CNTN4: variants seen among roughly 807,000 people sequenced by gnomAD.
The protein encoded by CNTN4 is contactin 4, also known as contactin-4.
In CNTN4, 77 loss-of-function variants were observed where a neutral mutation model predicts 122.5. The observed-to-expected ratio is 0.63, with a 90% confidence interval of 0.52 to 0.76. CNTN4 has a LOEUF of 0.76. Ranked by LOEUF, CNTN4 falls within the 30% of genes least tolerant of loss-of-function variation. The pLI, the probability that CNTN4 is intolerant of heterozygous loss-of-function variation, is 0.00. For synonymous variants in CNTN4, 512 were observed against 447.0 expected, an observed-to-expected ratio of 1.15 and a Z score of -1.83; for missense variants, 1,256 against 1,259.1, an observed-to-expected ratio of 1.00 and a Z score of 0.04.
intron 4 of CNTN4, among the ~76,000 whole-genome samples, chr3:2,682,322 C>T (rs1042013603): frequency 4.9e-4 from 75 of 152,284 alleles, no homozygotes; most frequent in African/African-American, 1.6e-3. Flanking sequence ...AGGACCTCTT[C>T]ATGGAAAAGG....
chr3:2,822,040 A>C (rs943354360), intron 7 of CNTN4, among the ~76,000 whole-genome samples: 1 of 152,226 alleles, frequency 6.6e-6, no homozygotes, highest in Non-Finnish European at 1.5e-5. Flanking sequence ...CTGAATACGA[A>C]GGAGAGGTGG....
chr3:2,391,031 C>T (rs566382272), intron 3 of CNTN4, among the ~76,000 whole-genome samples: 35 of 152,270 alleles, frequency 2.3e-4, no homozygotes, highest in African/African-American at 6.3e-4. Context: ...GTGTTCCTTG[C>T]AGATTCCAAA....
At chr3:2,634,299 A>G (rs1420016539) in intron 4 of CNTN4, among the ~76,000 whole-genome samples, 2 of 152,224 alleles carry the variant, frequency 1.3e-5, no homozygotes, top group Non-Finnish European at 2.9e-5. Flanking sequence ...ATGCTGGAGA[A>G]TTACACTTTT....
At chr3:2,809,987 C>T (rs952584710) in intron 6 of CNTN4, among the ~76,000 whole-genome samples, 2 of 152,100 alleles carry the variant, frequency 1.3e-5, no homozygotes, top group African/African-American at 4.8e-5. Flanking sequence ...AGCCAAGCAA[C>T]GTTTATTTTC....
At chr3:2,206,219 G>C (rs2038335973) in intron 2 of CNTN4, among the ~76,000 whole-genome samples, 1 of 152,042 alleles carries the variant, frequency 6.6e-6, no homozygotes, top group Non-Finnish European at 1.5e-5. Context: ...CCAAACAATA[G>C]GGAAACATCA....
chr3:3,055,942 C>A (rs1701743739), intron 24 of CNTN4, among the ~76,000 whole-genome samples, 178 bp from the exon 25 acceptor site: 1 of 152,122 alleles, frequency 6.6e-6, no homozygotes, highest in Non-Finnish European at 1.5e-5. Flanking sequence ...TGTCCTATAC[C>A]CTACTCCCAG....
intron 3 of CNTN4, among the ~76,000 whole-genome samples, chr3:2,542,501 T>G (rs1042114656): frequency 1.3e-5 from 2 of 152,122 alleles, no homozygotes; most frequent in Non-Finnish European, 2.9e-5. Flanking sequence ...GACACAGGAT[T>G]TAAGCTTCTG....
At chr3:2,550,312 A>G (rs1219525178) in intron 3 of CNTN4, among the ~76,000 whole-genome samples, 1 of 152,108 alleles carries the variant, frequency 6.6e-6, no homozygotes, top group African/African-American at 2.4e-5. Context: ...CACTTCTCAA[A>G]AGGAGACATT....
chr3:2,608,166 T>C (rs1247642927), intron 4 of CNTN4, among the ~76,000 whole-genome samples: 2 of 152,218 alleles, frequency 1.3e-5, no homozygotes, highest in Non-Finnish European at 2.9e-5. Flanking sequence ...GACCACATGA[T>C]CTACTGATAC....
chr3:2,339,667 G>C (rs1009722278), intron 3 of CNTN4, among the ~76,000 whole-genome samples: 1 of 152,120 alleles, frequency 6.6e-6, no homozygotes. Flanking sequence ...CTTTTGAAGG[G>C]ATAAAACATG....
At chr3:2,643,846 A>G (rs2083003083) in intron 4 of CNTN4, among the ~76,000 whole-genome samples, 2 of 152,138 alleles carry the variant, frequency 1.3e-5, no homozygotes, top group Non-Finnish European at 1.5e-5. Flanking sequence ...GGCACCCTAT[A>G]TAAAGCTGCC....
intron 4 of CNTN4, among the ~76,000 whole-genome samples, chr3:2,672,834 T>C (rs2084612236): frequency 6.6e-6 from 1 of 152,190 alleles, no homozygotes; most frequent in African/African-American, 2.4e-5. Flanking sequence ...TTAGTAATAG[T>C]TATAAGAAAT....
Position 2,902,987 on chromosome 3 carries a change from G to T in CNTN4, c.1189G>T (p.Ala397Ser). 1 of 1,613,626 alleles carries T rather than the reference G, an allele frequency of 6.2e-7. No individual in the cohort carries two copies. ...ENKHGVIFSN[A>S]ELSVIAVGPD... is the part of the protein sequence containing the mutation. ...TAAACATGGAGTTATCTTTTCCAACGCAGAGCTTAGTGTTATAGGTGAGTC... is the reference window on the plus strand; with the variant it reads ...TAAACATGGAGTTATCTTTTCCAACTCAGAGCTTAGTGTTATAGGTGAGTC... Residue 397 changes from alanine to serine, a missense_variant, in exon 12 of 25, where the codon GCA (alanine) becomes TCA (serine). Coordinates refer to ENST00000418658, the MANE Select transcript of CNTN4 (RefSeq NM_175607.3).
intron 7 of CNTN4, among the ~76,000 whole-genome samples, chr3:2,823,973 C>T (rs967021219): frequency 6.6e-6 from 1 of 152,134 alleles, no homozygotes; most frequent in African/African-American, 2.4e-5. Flanking sequence ...TCCGAGTGAT[C>T]ATATGCACTT....
chr3:2,779,516 A>G (rs1373949720), intron 6 of CNTN4, among the ~76,000 whole-genome samples: 1 of 152,076 alleles, frequency 6.6e-6, no homozygotes, highest in African/African-American at 2.4e-5. Flanking sequence ...AATCAATTTT[A>G]TTTTATTTTT....
chr3:2,648,950 A>G (rs115620395), intron 4 of CNTN4, among the ~76,000 whole-genome samples: 4 of 152,318 alleles, frequency 2.6e-5, no homozygotes, highest in African/African-American at 9.6e-5. Context: ...AGTAGTCTGG[A>G]TAGAAGATCA....
chr3:3,020,830 A>C (rs1698226530), intron 14 of CNTN4, among the ~76,000 whole-genome samples: 1 of 152,350 alleles, frequency 6.6e-6, no homozygotes, highest in Admixed American at 6.5e-5. Flanking sequence ...TCTCGTGCCA[A>C]ACACTTTCAG....
chr3:2,819,365 C>T (rs920602405), intron 6 of CNTN4, 121 bp from the exon 7 acceptor site: 40 of 749,862 alleles, frequency 5.3e-5, no homozygotes, highest in Admixed American at 3.0e-4. Flanking sequence ...TGAATTCCCC[C>T]GGTATGGGTG....
intron 3 of CNTN4, chr3:2,511,218 T>C (rs1431478438): frequency 2.0e-5 from 3 of 152,206 alleles, no homozygotes; most frequent in African/African-American, 7.2e-5. Context: ...AGGAATTACA[T>C]AAATTGCCCA....
Sources: gnomAD v4.1 joint callset for allele counts (sites outside exome capture counted in the v4.1 genomes callset) on GRCh38, gnomAD v4.1.1 for gene constraint, MANE v1.5 for transcripts, NCBI Gene and HGNC (gene_info 2026-07-23, HGNC 2026-07-21) for gene names.